The following BACH2 variants were observed in gnomAD, a reference collection of about 807,000 sequenced individuals.
BACH2 encodes transcription regulator protein BACH2.
Under a neutral mutation model 61.8 loss-of-function variants are expected in BACH2, and 5 were observed. The ratio of observed to expected loss-of-function variants is 0.08; its 90% confidence interval spans 0.04 to 0.17. The LOEUF is 0.17. Ranked by LOEUF, BACH2 falls within the 10% of genes least tolerant of loss-of-function variation. The pLI, the probability that BACH2 is intolerant of heterozygous loss-of-function variation, is 1.00. For missense variants in BACH2, 824 were observed against 1,091.1 expected (o/e 0.76, Z 3.45); for synonymous variants, 446 against 440.1 (o/e 1.01, Z -0.17).
Position 89,951,999 on chromosome 6 carries a change from A to C in BACH2, c.244-137T>G. The C allele has an allele frequency of 1.0e-6, 1 of 1,003,100 alleles. No individual in the cohort carries two copies. The highest frequency in any genetic ancestry group is 1.4e-6 in the Non-Finnish European group (1 of 690,272). 62.1% of individuals were successfully genotyped at this position (1,003,100 alleles called of 1,614,324 possible). A position where few individuals can be genotyped will look rare whatever the true frequency, so the allele number is the denominator to read the frequency against. On this transcript the variant is annotated intron_variant, in intron 6 of 8. Coordinates refer to ENST00000257749, the MANE Select transcript of BACH2 (RefSeq NM_021813.4). The surrounding 1 kb of genome is among the most constrained non-coding windows in gnomAD (Gnocchi z 6.4). The stretch of plus-strand genomic sequence containing the variant: ...GCAAAGGGGCAGTTAATCTTGTAGT[A>C]CTGGGTCAGCAATGATTCTGCTTCC...
intron 4 of BACH2, among the ~76,000 whole-genome samples, chr6:90,174,869 GAT>G (rs1232437159): frequency 6.6e-6 from 1 of 151,384 alleles, no homozygotes. Flanking sequence ...ATTGCTTTGG[GAT>G]ATATATATGG....
chr6:90,020,557 C>T (rs151045826), intron 5 of BACH2, among the ~76,000 whole-genome samples: 47 of 140,798 alleles, frequency 3.3e-4, no homozygotes, highest in Non-Finnish European at 6.3e-4. Context: ...CCCTAGACCT[C>T]GAACTTGCCA....
At chr6:90,232,195 T>A (rs143035329) in intron 3 of BACH2, among the ~76,000 whole-genome samples, 87 of 152,250 alleles carry the variant, frequency 5.7e-4, no homozygotes, top group Middle Eastern at 3.4e-3. Flanking sequence ...TCACAAGGAG[T>A]GACCTTCATC....
chr6:90,190,029 T>C (rs1043222477), intron 4 of BACH2, among the ~76,000 whole-genome samples: 1 of 152,194 alleles, frequency 6.6e-6, no homozygotes, highest in African/African-American at 2.4e-5. Flanking sequence ...CTGCAACCTC[T>C]GTCACAGGGG....
chr6:90,058,062 C>G (rs966024037), intron 5 of BACH2, among the ~76,000 whole-genome samples: 4 of 152,164 alleles, frequency 2.6e-5, no homozygotes, highest in African/African-American at 4.8e-5. Flanking sequence ...AAAACTGGCA[C>G]AAGACAGGGA....
chr6:90,163,874 G>A (rs1053146805), intron 4 of BACH2, among the ~76,000 whole-genome samples: 1 of 152,202 alleles, frequency 6.6e-6, no homozygotes, highest in African/African-American at 2.4e-5. Flanking sequence ...ACCAGCTCAT[G>A]TGTACAAATT....
At chr6:89,968,484 G>A (rs1340344885) in intron 6 of BACH2, among the ~76,000 whole-genome samples, 3 of 152,170 alleles carry the variant, frequency 2.0e-5, no homozygotes, top group Non-Finnish European at 2.9e-5. Context: ...TACATGTTTA[G>A]AAAGAATTAA....
intron 3 of BACH2, among the ~76,000 whole-genome samples, chr6:90,229,699 AG>A (rs1770032350): frequency 6.6e-6 from 1 of 152,242 alleles, no homozygotes; most frequent in African/African-American, 2.4e-5. Context: ...GGCTGCAACA[AG>A]AAGTTTGTGC....
intron 6 of BACH2, among the ~76,000 whole-genome samples, chr6:89,960,859 C>T (rs568557918): frequency 2.0e-5 from 3 of 152,196 alleles, no homozygotes; most frequent in African/African-American, 4.8e-5. Context: ...CTGTGATAGT[C>T]GGCTCAGAAT....
At chr6:90,063,940 G>A (rs1780816128) in intron 5 of BACH2, among the ~76,000 whole-genome samples, 1 of 151,752 alleles carries the variant, frequency 6.6e-6, no homozygotes, top group Admixed American at 6.6e-5. Context: ...TTTCTTGGTG[G>A]TACATAATAT....
At chr6:90,084,496 T>C (rs1163540500) in intron 5 of BACH2, among the ~76,000 whole-genome samples, 3 of 151,830 alleles carry the variant, frequency 2.0e-5, no homozygotes, top group Admixed American at 6.6e-5. Flanking sequence ...CCCTTAGACT[T>C]GCTGACCTGA....
intron 4 of BACH2, among the ~76,000 whole-genome samples, chr6:90,149,132 A>G (rs1736354763): frequency 6.6e-6 from 1 of 152,222 alleles, no homozygotes; most frequent in Non-Finnish European, 1.5e-5. Flanking sequence ...TGAGAGTGTG[A>G]GTTCAACAGA....
chr6:90,084,357 T>C (rs1781841175), intron 5 of BACH2, among the ~76,000 whole-genome samples: 1 of 152,022 alleles, frequency 6.6e-6, no homozygotes, highest in African/African-American at 2.4e-5. Context: ...TGTGTCAGTG[T>C]GTCTATCTAA....
chr6:89,932,643 T>C lies in BACH2; in HGVS notation c.2291A>G (p.Glu764Gly), dbSNP rs1772735245. Residue 764 changes from glutamate (E) to glycine (G), a missense_variant, in exon 9 of 9, where the codon GAA (glutamate) becomes GGA (glycine). Glu to Gly is a moderately conservative substitution (Grantham distance 98). This residue lies in a region of BACH2 where 135 missense variants were observed against 142.7 expected (regional missense o/e 0.95). Transcript: ENST00000257749. ...TGGCTCCAAGCAGCAGGGCACGTTT[T>C]CCCCCACTGCGCATTGGGAGGCCGC... is the stretch of plus-strand genomic sequence containing the variant. ...NIAASQCAVG[E>G]NVPCCLEPGA... 1 of 1,613,856 alleles carries C rather than the reference T, an allele frequency of 6.2e-7. No homozygotes were observed. Among genetic ancestry groups the C allele is most frequent in the African/African-American group, 1.3e-5 (1 of 74,878 alleles).
intron 6 of BACH2, among the ~76,000 whole-genome samples, chr6:90,000,897 T>C (rs1238698430): frequency 6.6e-6 from 1 of 152,194 alleles, no homozygotes; most frequent in Non-Finnish European, 1.5e-5. Context: ...TCTCCCTTCC[T>C]GGCCAGTTTG....
intron 3 of BACH2, among the ~76,000 whole-genome samples, chr6:90,211,720 AC>A (rs1769360974): frequency 6.6e-6 from 1 of 151,500 alleles, no homozygotes; most frequent in Non-Finnish European, 1.5e-5. Context: ...TCCAACTCCC[AC>A]CCCCTTCTAT....
At chr6:89,992,499 G>C (rs1231841434) in intron 6 of BACH2, among the ~76,000 whole-genome samples, 2 of 152,176 alleles carry the variant, frequency 1.3e-5, no homozygotes, top group Non-Finnish European at 2.9e-5. Flanking sequence ...AATTAGCTGG[G>C]CGTGGTGGCA....
At chr6:89,957,748 C>T (rs1354626278) in intron 6 of BACH2, among the ~76,000 whole-genome samples, 1 of 152,116 alleles carries the variant, frequency 6.6e-6, no homozygotes, top group Non-Finnish European at 1.5e-5. Flanking sequence ...ACTATGTTGC[C>T]CAGGTGGTCT....
chr6:90,290,087 G>T (rs1772134283), intron 1 of BACH2, among the ~76,000 whole-genome samples: 1 of 152,120 alleles, frequency 6.6e-6, no homozygotes. Context: ...TGCCAAAATG[G>T]CCCCAGAGGT....
Sources: gnomAD v4.1 joint callset for allele counts (sites outside exome capture counted in the v4.1 genomes callset) on GRCh38, gnomAD v4.1.1 for gene constraint, gnomAD v4.1.1 regional missense constraint, Gnocchi (gnomAD v3.1) non-coding constraint, MANE v1.5 for transcripts, NCBI Gene and HGNC (gene_info 2026-07-23, HGNC 2026-07-21) for gene names.